C19orf44: variants seen among roughly 807,000 people sequenced by gnomAD.
C19orf44 encodes the protein chromosome 19 open reading frame 44.
A neutral mutation model predicts 50.7 loss-of-function variants in C19orf44; 43 were observed. The ratio of observed to expected loss-of-function variants is 0.85; its 90% CI spans 0.66 to 1.09. The LOEUF is 1.09. C19orf44 is among the 50% of genes least tolerant of loss of function. The pLI, the probability that C19orf44 is intolerant of heterozygous loss-of-function variation, is 0.00. For missense variants in C19orf44, 722 were observed against 836.2 expected, an observed-to-expected ratio of 0.86 and a Z score of 1.68; for synonymous variants, 298 against 334.7, an observed-to-expected ratio of 0.89 and a Z score of 1.20.
intron 4 of C19orf44, among the ~76,000 whole-genome samples, chr19:16,508,040 C>T (rs1339399830): frequency 6.6e-6 from 1 of 150,554 alleles, no homozygotes; most frequent in Non-Finnish European, 1.5e-5. Flanking sequence ...CTCCTGACCT[C>T]GTGATCCGCC....
In C19orf44 at chr19:16,501,498, C is replaced by G. The variant is rs748263116; in HGVS notation, c.706C>G (p.Gln236Glu). The change falls in exon 2 of 9, where the codon CAA (glutamine) becomes GAA (glutamate). Residue 236 changes from glutamine (Q) to glutamate (E), a missense_variant. Transcript: ENST00000221671. ...MDSSREKNTN[Q>E]GFSSANVSEE... Reference sequence around the variant, plus strand: ...CTCTTCTAGAGAAAAAAACACGAATCAAGGCTTCAGCAGCGCTAACGTCAG... The same window carrying G: ...CTCTTCTAGAGAAAAAAACACGAATGAAGGCTTCAGCAGCGCTAACGTCAG... 7.5e-6 allele frequency: 12 copies of G among 1,595,094 alleles called. No individual in the cohort carries two copies. The South Asian group carries it at 1.4e-4, about 18-fold the overall frequency.
At chr19:16,511,649 C>T (rs1279867331) in intron 5 of C19orf44, among the ~76,000 whole-genome samples, 1 of 151,520 alleles carries the variant, frequency 6.6e-6, no homozygotes, top group Non-Finnish European at 1.5e-5. Flanking sequence ...GGCACAATCT[C>T]GGCCCACTGC....
chr19:16,503,305 G>A lies in C19orf44; in HGVS notation c.1000G>A (p.Val334Met). ...VSLKMGHVKL[V>M]SSPGRSEAET... ...TTTAAAGATGGGGCATGTCAAGCTTGTGTCCTCCCCGGGAAGGAGTGAGGC... is the reference window on the plus strand; with the variant it reads ...TTTAAAGATGGGGCATGTCAAGCTTATGTCCTCCCCGGGAAGGAGTGAGGC... Residue 334 changes from valine to methionine, a missense_variant, in exon 3 of 9, where the codon GTG (valine) becomes ATG (methionine). Val to Met is a conservative substitution (Grantham distance 21). Transcript: ENST00000221671. 6.2e-7 allele frequency: 1 copy of A among 1,614,148 alleles called. No individual in the cohort carries two copies. The highest frequency in any genetic ancestry group is 8.5e-7 in the Non-Finnish European group (1 of 1,180,022).
chr19:16,514,377 C>G, intron 6 of C19orf44, 120 bp from the exon 7 acceptor site: 1 of 1,076,424 alleles, frequency 9.3e-7, no homozygotes, highest in Non-Finnish European at 1.3e-6. Flanking sequence ...GAGCGAGACC[C>G]TGTCTCCAGA....
At position 16,514,617 on chromosome 19, in the gene C19orf44, T is replaced by C. The variant is rs762568557; in HGVS notation, c.1856T>C (p.Leu619Pro). 3.1e-6 allele frequency: 5 copies of C among 1,594,646 alleles called. No homozygotes were observed. In the South Asian group the frequency reaches 4.5e-5, roughly 14 times the overall value. The part of the protein sequence containing the change: ...RHLHASLLRS[L>P]DADSFHYHTL... The stretch of plus-strand genomic sequence containing the variant: ...CTGCACGCCTCCCTCCTGCGCTCCC[T>C]GGACGCGGACTCCTTCCACTACCAC... The change falls in exon 7 of 9, where the codon CTG becomes CCG. Residue 619 changes from leucine to proline, a missense_variant. By Grantham distance (98) the Leu-to-Pro change is moderately conservative (BLOSUM62 -3). Coordinates refer to ENST00000221671, the MANE Select transcript of C19orf44 (RefSeq NM_032207.4).
intron 7 of C19orf44, among the ~76,000 whole-genome samples, chr19:16,516,536 G>A (rs925716757): frequency 2.0e-5 from 3 of 152,138 alleles, no homozygotes; most frequent in Non-Finnish European, 4.4e-5. Flanking sequence ...TTGGTAATTC[G>A]GATCCAAAGT....
chr19:16,516,467 G>T (rs1219981331), intron 7 of C19orf44, among the ~76,000 whole-genome samples: 5 of 152,124 alleles, frequency 3.3e-5, no homozygotes, highest in African/African-American at 1.2e-4. Context: ...AAGTATCAAG[G>T]AATATCCAGT....
At chr19:16,510,561 G>C (rs2093454335) in intron 5 of C19orf44, among the ~76,000 whole-genome samples, 1 of 152,026 alleles carries the variant, frequency 6.6e-6, no homozygotes, top group Non-Finnish European at 1.5e-5. Context: ...TGATTCACGG[G>C]GGGACTCCAG....
rs571777260 is a variant in C19orf44 at position 16,520,626 on chromosome 19, A to G, written c.*573A>G. 8.9e-4 allele frequency: 1,130 copies of G among 1,268,190 alleles called. 11 individuals are homozygous for G. The African/African-American group carries it at 0.015, about 16-fold the overall frequency. The allele number at this position is 1,268,190 out of a possible 1,614,324, so 78.6% of individuals were successfully genotyped here. A position where few individuals can be genotyped will look rare whatever the true frequency, so the allele number is the denominator to read the frequency against. ...GGGCTCTGGCTGTGGATGTGGCGCCATAGCCACAGCAACGGTACCAAGTTC... is the reference window on the plus strand; with the variant it reads ...GGGCTCTGGCTGTGGATGTGGCGCCGTAGCCACAGCAACGGTACCAAGTTC... On this transcript the variant is annotated 3_prime_UTR_variant, in exon 9 of 9. Coordinates refer to ENST00000221671, the MANE Select transcript of C19orf44 (RefSeq NM_032207.4). The surrounding 1 kb of genome is among the most constrained non-coding windows in gnomAD (Gnocchi z 4.0).
At chr19:16,512,945 G>T (rs770766030) in intron 5 of C19orf44, 69 bp from the exon 6 acceptor site, 6 of 1,288,232 alleles carry the variant, frequency 4.7e-6, no homozygotes, top group Non-Finnish European at 3.3e-6. Flanking sequence ...TTCCAGGGTC[G>T]TATCTGTGGA....
At chr19:16,513,155 C>T (rs374902956) in intron 6 of C19orf44, 46 bp downstream of exon 6, 1 of 1,562,934 alleles carries the variant, frequency 6.4e-7, no homozygotes, top group Non-Finnish European at 8.8e-7. Flanking sequence ...TTTTACAGGA[C>T]TCATTTCACC....
intron 2 of C19orf44, among the ~76,000 whole-genome samples, 162 bp downstream of exon 2, chr19:16,501,713 T>C (rs2093426076): frequency 6.6e-6 from 1 of 150,396 alleles, no homozygotes; most frequent in South Asian, 2.1e-4. Flanking sequence ...TGCCTCAGCC[T>C]CCCGAGTAGC....
chr19:16,520,520 G>A lies in C19orf44; in HGVS notation c.*467G>A, dbSNP rs2085601794. On this transcript the variant is annotated 3_prime_UTR_variant, in exon 9 of 9. Coordinates refer to ENST00000221671, the MANE Select transcript of C19orf44 (RefSeq NM_032207.4). The surrounding 1 kb of genome is among the most constrained non-coding windows in gnomAD (Gnocchi z 4.0). The stretch of plus-strand genomic sequence containing the variant: ...CCTCGAGGGTCCGCTGTGGGGAGAG[G>A]CCTGATGATCAGGTGCCCCAGTGGA... 6.2e-7 allele frequency: 1 copy of A among 1,606,808 alleles called. No homozygotes were observed. Among genetic ancestry groups the A allele is most frequent in the South Asian group, 1.1e-5 (1 of 89,960 alleles).
At chr19:16,510,410 A>G (rs1568497480) in intron 5 of C19orf44, among the ~76,000 whole-genome samples, 1 of 152,108 alleles carries the variant, frequency 6.6e-6, no homozygotes, top group South Asian at 2.1e-4. Context: ...CAAAAAAAAT[A>G]AAAGTCACCT....
rs1432777796 is a variant in C19orf44 at position 16,496,419 on chromosome 19, G to A, written c.-48G>A. 3.2e-5 allele frequency: 15 copies of A among 469,760 alleles called. No homozygotes were observed. Among genetic ancestry groups the A allele is most frequent in the Admixed American group, 1.4e-4 (4 of 28,330 alleles). 29.1% of individuals were successfully genotyped at this position (469,760 alleles called of 1,614,324 possible). ...GTTGCCCAGGGCAACCGCTCCTTCA[G>A]GCGTGAATGTGGCGGCTGCCTCTGC... On this transcript the variant is annotated 5_prime_UTR_variant, in exon 1 of 9. Coordinates refer to ENST00000221671, the MANE Select transcript of C19orf44 (RefSeq NM_032207.4).
chr19:16,519,368 C>A lies in C19orf44; in HGVS notation c.*41-726C>A. ...CCGCTCCAGCCTGGAAACAGAGACG[C>A]AGTCACAACCACAACAAGGCGGAGG... is the stretch of plus-strand genomic sequence containing the variant. On this transcript the variant is annotated intron_variant, in intron 8 of 8. Transcript: ENST00000221671. This position sits in a 1 kb window ranked among gnomAD's most constrained non-coding sequence, Gnocchi z 6.0. 1 of 1,606,438 alleles carries A rather than the reference C, an allele frequency of 6.2e-7. No homozygotes were observed.
At chr19:16,510,400 C>CA (rs1599735745) in intron 5 of C19orf44, among the ~76,000 whole-genome samples, 4 of 151,688 alleles carry the variant, frequency 2.6e-5, no homozygotes, top group South Asian at 4.2e-4. Context: ...GACTCTGTCT[C>CA]AAAAAAAATA....
intron 3 of C19orf44, among the ~76,000 whole-genome samples, chr19:16,506,066 A>T (rs1216830796): frequency 6.8e-6 from 1 of 146,322 alleles, no homozygotes; most frequent in Admixed American, 6.8e-5. Context: ...GCAGCTTTGA[A>T]CTGGTCTCAA....
In C19orf44 at chr19:16,520,016, G is replaced by A. The variant is rs977804122; in HGVS notation, c.*41-78G>A. On this transcript the variant is annotated intron_variant, in intron 8 of 8. Transcript: ENST00000221671. The surrounding 1 kb of genome is among the most constrained non-coding windows in gnomAD (Gnocchi z 4.0). ...AAGTGGCTACTGTGGTGAAGGGTGAGGGGTGCCACTGTCCCCGGGCTAATG... is the reference window on the plus strand; with the variant it reads ...AAGTGGCTACTGTGGTGAAGGGTGAAGGGTGCCACTGTCCCCGGGCTAATG... The A allele has an allele frequency of 1.4e-4, 135 of 937,142 alleles. No individual in the cohort carries two copies. In the East Asian group the frequency reaches 1.4e-3, roughly 10 times the overall value. The allele number at this position is 937,142 out of a possible 1,614,324, so 58.1% of individuals were successfully genotyped here. A position where few individuals can be genotyped will look rare whatever the true frequency, so the allele number is the denominator to read the frequency against.
Sources: allele counts gnomAD v4.1 joint callset (sites outside exome capture counted in the v4.1 genomes callset), GRCh38; gene constraint gnomAD v4.1.1; non-coding constraint Gnocchi (gnomAD v3.1); transcripts MANE v1.5; gene names NCBI Gene and HGNC (gene_info 2026-07-23, HGNC 2026-07-21).